HIC1: variants seen among roughly 807,000 people sequenced by gnomAD.
HIC1 encodes the protein HIC ZBTB transcriptional repressor 1.
In HIC1, 9 loss-of-function variants were observed where a neutral mutation model predicts 26.4. The observed-to-expected ratio is 0.34, with a 90% CI of 0.21 to 0.59. The LOEUF is 0.59. Among genes scored for constraint, HIC1 ranks in the 20% least tolerant of loss-of-function variants. The pLI is 0.82. For synonymous variants in HIC1, 631 were observed against 523.1 expected, an observed-to-expected ratio of 1.21 and a Z score of -2.81; for missense variants, 965 against 1,075.7, an observed-to-expected ratio of 0.90 and a Z score of 1.44.
chr17:2,057,920 C>T lies in HIC1; in HGVS notation c.1230C>T (p.Pro410=), dbSNP rs115113418. ...YPCPHLAYGE[P]ESFGDNLYVC... ...GCCCGCACCTGGCCTATGGCGAGCC[C>T]GAGAGCTTCGGTGACAACCTGTACG... The change falls in exon 2 of 2, where the codon CCC becomes CCT. Residue 410 remains proline, a synonymous_variant. Coordinates refer to ENST00000619757, the MANE Select transcript of HIC1 (RefSeq NM_006497.4). The T allele has an allele frequency of 3.6e-4, 583 of 1,609,048 alleles. 6 individuals are homozygous for T. The African/African-American group carries it at 6.4e-3, about 18-fold the overall frequency.
chr17:2,057,874 G>C lies in HIC1; in HGVS notation c.1184G>C (p.Gly395Ala). 6.3e-7 allele frequency: 1 copy of C among 1,597,096 alleles called. No individual in the cohort carries two copies. Among genetic ancestry groups the C allele is most frequent in the Non-Finnish European group, 8.5e-7 (1 of 1,172,742 alleles). ...GSSEDPSPPG[G>A]HLEGYPCPHL... ...AGCGAGGACCCCAGCCCGCCTGGCGGCCACCTCGAGGGCTACCCATGCCCG... is the reference window on the plus strand; with the variant it reads ...AGCGAGGACCCCAGCCCGCCTGGCGCCCACCTCGAGGGCTACCCATGCCCG... The change falls in exon 2 of 2, where the codon GGC becomes GCC. Residue 395 changes from glycine (G) to alanine (A), a missense_variant. Physicochemically the swap from Gly to Ala is moderately conservative, Grantham distance 60 (BLOSUM62 0). Around this residue, in one of 6 missense-constraint regions of HIC1, gnomAD observed 526 missense variants for 525.0 expected, o/e 1.00. Coordinates refer to ENST00000619757, the MANE Select transcript of HIC1 (RefSeq NM_006497.4).
chr17:2,060,177 C>T lies in HIC1; in HGVS notation c.*1342C>T, dbSNP rs2067732212. 1 of 152,334 alleles carries T rather than the reference C, an allele frequency of 6.6e-6. No homozygotes were observed. Among genetic ancestry groups the T allele is most frequent in the South Asian group, 2.1e-4 (1 of 4,834 alleles). 9.4% of individuals were successfully genotyped at this position (152,334 alleles called of 1,614,324 possible). A position where few individuals can be genotyped will look rare whatever the true frequency, so the allele number is the denominator to read the frequency against. ...GGGCTCTGGGGTATCCCCCACTGGTCCCATTAAGATTTGCCCCTGGCTCCA... is the reference window on the plus strand; with the variant it reads ...GGGCTCTGGGGTATCCCCCACTGGTTCCATTAAGATTTGCCCCTGGCTCCA... On this transcript the variant is annotated 3_prime_UTR_variant, in exon 2 of 2. Coordinates refer to ENST00000619757, the MANE Select transcript of HIC1 (RefSeq NM_006497.4).
chr17:2,059,013 G>A lies in HIC1; in HGVS notation c.*178G>A, dbSNP rs1429321943. The A allele has an allele frequency of 3.0e-5, 16 of 542,298 alleles. No homozygotes were observed. Among genetic ancestry groups the A allele is most frequent in the South Asian group, 7.2e-5 (2 of 27,820 alleles). 33.6% of individuals were successfully genotyped at this position (542,298 alleles called of 1,614,324 possible). ...CACTGCTTCGTGCCTTAGCTCGGGG[G>A]TCGGGGGAGAACCCCGGGACGGGGG... On this transcript the variant is annotated 3_prime_UTR_variant, in exon 2 of 2. Transcript: ENST00000619757.
chr17:2,055,766 T>C lies in HIC1; in HGVS notation c.-21+528T>C, dbSNP rs1467942474. 6.6e-6 allele frequency among the ~76,000 whole-genome samples: 1 copy of C among 151,192 alleles called. No individual in the cohort carries two copies. The highest frequency in any genetic ancestry group is 1.5e-5 in the Non-Finnish European group (1 of 67,776). On this transcript the variant is annotated intron_variant, in intron 1 of 1. Transcript: ENST00000619757. The surrounding 1 kb of genome is among the most constrained non-coding windows in gnomAD (Gnocchi z 6.4). ...GAGGAAGAGCTGCGAGCCGAGGGCC[T>C]GGGGCCGGCGCACTCCTCCCGCCCT...
chr17:2,062,884 G>T lies in HIC1; in HGVS notation c.*4049G>T. On this transcript the variant is annotated 3_prime_UTR_variant, in exon 2 of 2. Coordinates refer to ENST00000619757, the MANE Select transcript of HIC1 (RefSeq NM_006497.4). The stretch of plus-strand genomic sequence containing the variant: ...GATTCGGGAGGGAGAGGTTTGTGGG[G>T]TTGGTGGTGGCGAGAGAAGAGGACA... The T allele has an allele frequency of 6.6e-6, 1 of 152,608 alleles. No individual in the cohort carries two copies. The allele number at this position is 152,608 out of a possible 1,614,324, so 9.5% of individuals were successfully genotyped here.
At position 2,061,777 on chromosome 17, in the gene HIC1, GCCCCGGGGACCCT is replaced by G; in HGVS notation, c.*2947_*2959del. 1.1e-6 allele frequency: 1 copy of G among 871,670 alleles called. No homozygotes were observed. Among genetic ancestry groups the G allele is most frequent in the South Asian group, 1.7e-5 (1 of 60,350 alleles). The allele number at this position is 871,670 out of a possible 1,614,324, so 54.0% of individuals were successfully genotyped here. ...GTCCTTTCCTCCGTCCGGGCTCTCA[GCCCCGGGGACCCT>G]CCCCTGCTGGCCTAGAGAGGGCTGC... On this transcript the variant is annotated 3_prime_UTR_variant, in exon 2 of 2. Transcript: ENST00000619757.
chr17:2,056,678 T>C lies in HIC1; in HGVS notation c.-13T>C. The C allele has an allele frequency of 1.3e-6, 2 of 1,574,560 alleles. No individual in the cohort carries two copies. The highest frequency in any genetic ancestry group is 2.7e-5 in the African/African-American group (2 of 74,234). On this transcript the variant is annotated 5_prime_UTR_variant, in exon 2 of 2. Transcript: ENST00000619757. ...CGGTGTGTGTCCCCGCAGGAGAGTG[T>C]GCTGGGCAGACGATGCTGGACACGA...
In HIC1 at chr17:2,061,394, T is replaced by C. The variant is rs1381556223; in HGVS notation, c.*2559T>C. On this transcript the variant is annotated 3_prime_UTR_variant, in exon 2 of 2. Transcript: ENST00000619757. ...GAGGATGGTTTATTGTCTGGGTGGA[T>C]TGGTGGCTCAGGCACGTGGGCATCT... 5.0e-6 allele frequency: 6 copies of C among 1,210,688 alleles called. No individual in the cohort carries two copies. Among genetic ancestry groups the C allele is most frequent in the Non-Finnish European group, 6.9e-6 (6 of 871,154 alleles). The allele number at this position is 1,210,688 out of a possible 1,614,324, so 75.0% of individuals were successfully genotyped here.
At position 2,058,565 on chromosome 17, in the gene HIC1, C is replaced by T. The variant is rs1205422868; in HGVS notation, c.1875C>T (p.Asp625=). Residue 625 remains aspartate (D), a synonymous_variant, in exon 2 of 2, where the codon GAC becomes GAT. Coordinates refer to ENST00000619757, the MANE Select transcript of HIC1 (RefSeq NM_006497.4). ...VPGPDGKGKL[D]FPEGVFAVAR... ...GCCCCGACGGCAAGGGCAAGCTCGACTTCCCCGAGGGCGTCTTTGCTGTGG... is the reference window on the plus strand; with the variant it reads ...GCCCCGACGGCAAGGGCAAGCTCGATTTCCCCGAGGGCGTCTTTGCTGTGG... 5.8e-6 allele frequency: 9 copies of T among 1,553,158 alleles called. No individual in the cohort carries two copies. The highest frequency in any genetic ancestry group is 7.8e-6 in the Non-Finnish European group (9 of 1,157,436).
In HIC1 at chr17:2,061,274, C is replaced by T; in HGVS notation, c.*2439C>T. 2.1e-6 allele frequency: 1 copy of T among 486,116 alleles called. No individual in the cohort carries two copies. The highest frequency in any genetic ancestry group is 2.6e-5 in the South Asian group (1 of 38,848). The allele number at this position is 486,116 out of a possible 1,614,324, so 30.1% of individuals were successfully genotyped here. A position where few individuals can be genotyped will look rare whatever the true frequency, so the allele number is the denominator to read the frequency against. On this transcript the variant is annotated 3_prime_UTR_variant, in exon 2 of 2. Transcript: ENST00000619757. Reference sequence around the variant, plus strand: ...CAGCCACCTCCCTGCTAAATCCTGGCAGCCCAGGAGGGTCCCAGCAGCTTC... The same window carrying T: ...CAGCCACCTCCCTGCTAAATCCTGGTAGCCCAGGAGGGTCCCAGCAGCTTC...
Position 2,061,470 on chromosome 17 carries a change from G to GGT in HIC1, c.*2636_*2637insTG. On this transcript the variant is annotated 3_prime_UTR_variant, in exon 2 of 2. Coordinates refer to ENST00000619757, the MANE Select transcript of HIC1 (RefSeq NM_006497.4). ...GCCTTTCAGGAACGGTTCCACGGGG[G>GGT]GGGGGCCCCAGTGTGGCTCCCTCAG... 6.4e-7 allele frequency: 1 copy of GGT among 1,565,378 alleles called. No individual in the cohort carries two copies. Among genetic ancestry groups the GGT allele is most frequent in the Non-Finnish European group, 8.6e-7 (1 of 1,157,300 alleles).
rs1471846333 is a variant in HIC1 at position 2,055,487 on chromosome 17, G to C, written c.-21+249G>C. 6.6e-6 allele frequency among the ~76,000 whole-genome samples: 1 copy of C among 151,854 alleles called. No homozygotes were observed. The highest frequency in any genetic ancestry group is 1.5e-5 in the Non-Finnish European group (1 of 67,876). ...ACATGGGCTGGAGAGGCGAGGGGAA[G>C]GGAAGGGAAGGGGAGCTGGCGGGCG... On this transcript the variant is annotated intron_variant, in intron 1 of 1. Coordinates refer to ENST00000619757, the MANE Select transcript of HIC1 (RefSeq NM_006497.4). This position sits in a 1 kb window ranked among gnomAD's most constrained non-coding sequence, Gnocchi z 6.4.
rs1270758553 is a variant in HIC1, at chr17:2,056,993, G to C, written c.303G>C (p.Pro101=). The C allele has an allele frequency of 4.5e-6, 7 of 1,553,132 alleles. No individual in the cohort carries two copies. Among genetic ancestry groups the C allele is most frequent in the Non-Finnish European group, 6.1e-6 (7 of 1,152,706 alleles). ...AEAAAAAAVA[P]GAEPSLGAVL... Reference sequence around the variant, plus strand: ...CGGCTGCGGCCGCGGCCGTGGCCCCGGGGGCTGAGCCGAGCCTGGGCGCCG... The same window carrying C: ...CGGCTGCGGCCGCGGCCGTGGCCCCCGGGGCTGAGCCGAGCCTGGGCGCCG... The change falls in exon 2 of 2, where the codon CCG becomes CCC. Residue 101 remains proline (P), a synonymous_variant. Coordinates refer to ENST00000619757, the MANE Select transcript of HIC1 (RefSeq NM_006497.4).
chr17:2,056,714 C>T lies in HIC1; in HGVS notation c.24C>T (p.Pro8=), dbSNP rs2067675827. ...CGATGCTGGACACGATGGAGGCGCC[C>T]GGCCACTCCAGGCAGCTGCTGCTGC... MLDTMEA[P]GHSRQLLLQL... The change falls in exon 2 of 2, where the codon CCC becomes CCT. Residue 8 remains proline (P), a synonymous_variant. Coordinates refer to ENST00000619757, the MANE Select transcript of HIC1 (RefSeq NM_006497.4). The T allele has an allele frequency of 1.2e-6, 2 of 1,606,256 alleles. No homozygotes were observed. The highest frequency in any genetic ancestry group is 2.2e-5 in the South Asian group (2 of 90,480).
Position 2,058,414 on chromosome 17 carries a change from A to C in HIC1, c.1724A>C (p.Gln575Pro), listed in dbSNP as rs1385579986. 1.2e-6 allele frequency: 2 copies of C among 1,608,318 alleles called. No individual in the cohort carries two copies. Among genetic ancestry groups the C allele is most frequent in the South Asian group, 2.2e-5 (2 of 90,640 alleles). ...TCGGGCGAGAAGCCCTACGAGTGCC[A>C]GGTGTGCGGCGGCAAGTTCGCACAG... is the stretch of plus-strand genomic sequence containing the variant. ...IHSGEKPYEC[Q>P]VCGGKFAQQR... is the part of the protein sequence containing the mutation. Residue 575 changes from glutamine (Q) to proline (P), a missense_variant, in exon 2 of 2, where the codon CAG becomes CCG. Gln to Pro is a moderately conservative substitution (Grantham distance 76, BLOSUM62 -1). Transcript: ENST00000619757.
chr17:2,056,336 A>C (rs201780325), intron 1 of HIC1: 129 of 1,613,296 alleles, frequency 8.0e-5, no homozygotes, highest in Non-Finnish European at 1.0e-4. Context: ...CGGACATTTT[A>C]CTTAAATCGG....
rs1444065536 is a variant in HIC1 at position 2,059,632 on chromosome 17, G to C, written c.*797G>C. The C allele has an allele frequency of 6.0e-6, 1 of 167,162 alleles. No homozygotes were observed. Among genetic ancestry groups the C allele is most frequent in the Non-Finnish European group, 1.5e-5 (1 of 68,238 alleles). 10.4% of individuals were successfully genotyped at this position (167,162 alleles called of 1,614,324 possible). On this transcript the variant is annotated 3_prime_UTR_variant, in exon 2 of 2. Transcript: ENST00000619757. The stretch of plus-strand genomic sequence containing the variant: ...CCTACCTTGTACACAGGCTCTTCCA[G>C]AGCCGCTTCCATTTTCTATACTCGA...
chr17:2,061,485 G>T lies in HIC1; in HGVS notation c.*2650G>T. On this transcript the variant is annotated 3_prime_UTR_variant, in exon 2 of 2. Transcript: ENST00000619757. ...TTCCACGGGGGGGGGGCCCCAGTGT[G>T]GCTCCCTCAGCCCACCTGGGCCCAC... is the stretch of plus-strand genomic sequence containing the variant. The T allele has an allele frequency of 6.4e-7, 1 of 1,566,510 alleles. No individual in the cohort carries two copies. Among genetic ancestry groups the T allele is most frequent in the Admixed American group, 1.8e-5 (1 of 54,768 alleles).
chr17:2,056,381 A>C (rs760278209), intron 1 of HIC1: 1 of 1,604,412 alleles, frequency 6.2e-7, no homozygotes, highest in Non-Finnish European at 8.5e-7. Context: ...GCGCCTGAAC[A>C]GTTTTCTTCT....
Sources: allele counts gnomAD v4.1 joint callset (sites outside exome capture counted in the v4.1 genomes callset), GRCh38; gene constraint gnomAD v4.1.1; regional missense constraint gnomAD v4.1.1; non-coding constraint Gnocchi (gnomAD v3.1); transcripts MANE v1.5; gene names NCBI Gene and HGNC (gene_info 2026-07-23, HGNC 2026-07-21).